Variants in ZNF704 observed in about 807,000 individuals in gnomAD.
ZNF704 encodes the protein glucocorticoid induced gene 1.
A neutral mutation model predicts 44.7 loss-of-function variants in ZNF704; 10 were observed. That is an observed-to-expected ratio of 0.22 (90% CI 0.14 to 0.38). The LOEUF (loss-of-function observed/expected upper bound fraction) is 0.38. Among genes scored for constraint, ZNF704 ranks in the 10% least tolerant of loss-of-function variants. The probability of loss-of-function intolerance (pLI) is 1.00; values close to 1 mark genes in which losing one functional copy is unlikely to be tolerated. For synonymous variants in ZNF704, 211 were observed against 207.6 expected (o/e 1.02, Z -0.14); for missense variants, 390 against 545.5 (o/e 0.71, Z 2.84).
chr8:80,763,004 G>A (rs916280067), intron 2 of ZNF704, among the ~76,000 whole-genome samples: 1 of 152,226 alleles, frequency 6.6e-6, no homozygotes, highest in Non-Finnish European at 1.5e-5. Flanking sequence ...CATATTCAGC[G>A]CATGCTGATG....
intron 3 of ZNF704, among the ~76,000 whole-genome samples, chr8:80,688,725 T>C (rs1324324950): frequency 6.6e-6 from 1 of 152,218 alleles, no homozygotes; most frequent in Non-Finnish European, 1.5e-5. Context: ...TGTTTGCTAA[T>C]GTGGAGAGAT....
intron 1 of ZNF704, among the ~76,000 whole-genome samples, chr8:80,826,176 A>G (rs1359806180): frequency 2.6e-5 from 4 of 152,178 alleles, no homozygotes; most frequent in Non-Finnish European, 5.9e-5. Flanking sequence ...TTGATAGACC[A>G]CTAGCAAGAC....
At chr8:80,765,889 A>G (rs905219576) in intron 2 of ZNF704, among the ~76,000 whole-genome samples, 2 of 152,204 alleles carry the variant, frequency 1.3e-5, no homozygotes, top group African/African-American at 4.8e-5. Flanking sequence ...ATTAAAAGCC[A>G]GGTAAATTCC....
chr8:80,756,066 G>A (rs1417701271), intron 2 of ZNF704, among the ~76,000 whole-genome samples: 1 of 151,300 alleles, frequency 6.6e-6, no homozygotes, highest in African/African-American at 2.4e-5. Context: ...AAGTGATCAC[G>A]CCACTGCACT....
chr8:80,848,351 C>T (rs1237236236), intron 1 of ZNF704, among the ~76,000 whole-genome samples: 3 of 152,122 alleles, frequency 2.0e-5, no homozygotes, highest in Admixed American at 1.3e-4. Context: ...ATGATAATAT[C>T]GCACACATGC....
chr8:80,838,669 C>G, intron 1 of ZNF704, among the ~76,000 whole-genome samples: 1 of 119,316 alleles, frequency 8.4e-6, no homozygotes, highest in Non-Finnish European at 1.7e-5. Context: ...AGAAGCAGAA[C>G]CTGGAGGAGG....
At chr8:80,833,661 C>T (rs777813036) in intron 1 of ZNF704, among the ~76,000 whole-genome samples, 4 of 152,256 alleles carry the variant, frequency 2.6e-5, no homozygotes, top group Middle Eastern at 3.4e-3. Context: ...TAAGTACATA[C>T]ATTATTTTTC....
chr8:80,634,631 T>C lies in ZNF704; in HGVS notation c.*6735A>G, dbSNP rs1403394951. The C allele has an allele frequency of 6.6e-6, 1 of 152,252 alleles. No homozygotes were observed. The highest frequency in any genetic ancestry group is 2.4e-5 in the African/African-American group (1 of 41,452). 9.4% of individuals were successfully genotyped at this position (152,252 alleles called of 1,614,324 possible). A position where few individuals can be genotyped will look rare whatever the true frequency, so the allele number is the denominator to read the frequency against. ...AGCAGCCCTGGGCCTGATTTCTGCA[T>C]GGTTCTGATTGTCTAGAGCTGAGTG... On this transcript the variant is annotated 3_prime_UTR_variant, in exon 9 of 9. Coordinates refer to ENST00000327835, the MANE Select transcript of ZNF704 (RefSeq NM_001033723.3).
intron 1 of ZNF704, among the ~76,000 whole-genome samples, chr8:80,847,336 T>TA (rs1436901566): frequency 6.6e-6 from 1 of 152,192 alleles, no homozygotes; most frequent in Non-Finnish European, 1.5e-5. Flanking sequence ...GGAAGACCTA[T>TA]ATAAATTGGG....
At chr8:80,768,755 C>A (rs755273996) in intron 2 of ZNF704, among the ~76,000 whole-genome samples, 1 of 152,052 alleles carries the variant, frequency 6.6e-6, no homozygotes, top group African/African-American at 2.4e-5. Context: ...TTCCCAACCC[C>A]GTGTTTAGAC....
intron 1 of ZNF704, among the ~76,000 whole-genome samples, chr8:80,827,011 G>A (rs867521226): frequency 6.6e-6 from 1 of 152,150 alleles, no homozygotes. Context: ...TTGCAAACTG[G>A]CACAAGACAT....
chr8:80,880,675 T>A, the ZNF704 span, among the ~76,000 whole-genome samples: 1 of 152,234 alleles, frequency 6.6e-6, no homozygotes, highest in Non-Finnish European at 1.5e-5. Context: ...AATATATGCA[T>A]GAATATTTTT....
intron 2 of ZNF704, among the ~76,000 whole-genome samples, chr8:80,711,883 C>A (rs763303266): frequency 6.6e-6 from 1 of 152,148 alleles, no homozygotes; most frequent in African/African-American, 2.4e-5. Flanking sequence ...CGATGCATAA[C>A]TATAGTATCT....
chr8:80,683,657 GA>G (rs1181966020), intron 4 of ZNF704, among the ~76,000 whole-genome samples: 3 of 152,208 alleles, frequency 2.0e-5, no homozygotes, highest in East Asian at 3.8e-4. Context: ...GCACAATGGG[GA>G]TAAGAATACA....
intron 2 of ZNF704, among the ~76,000 whole-genome samples, chr8:80,746,157 C>G (rs762755331): frequency 6.6e-6 from 1 of 152,180 alleles, no homozygotes; most frequent in Non-Finnish European, 1.5e-5. Context: ...GTTTCCAGCA[C>G]TGTTGGAAAG....
chr8:80,735,205 T>C (rs927552797), intron 2 of ZNF704, among the ~76,000 whole-genome samples: 2 of 152,234 alleles, frequency 1.3e-5, no homozygotes, highest in Non-Finnish European at 2.9e-5. Flanking sequence ...ATGCTTAGTT[T>C]TGCTGTTGTG....
chr8:80,883,245 C>CAAAAAAAAAAAA, the ZNF704 span, among the ~76,000 whole-genome samples: 1 of 83,434 alleles, frequency 1.2e-5, no homozygotes, highest in Admixed American at 1.4e-4. Flanking sequence ...GACACCCTCT[C>CAAAAAAAAAAAA]AAAAAAAAAA....
At position 80,830,078 on chromosome 8, in the gene ZNF704, C is replaced by T. The variant is rs1009748392; in HGVS notation, c.-21-8463G>A. On this transcript the variant is annotated intron_variant, in intron 1 of 8. Coordinates refer to ENST00000327835, the MANE Select transcript of ZNF704 (RefSeq NM_001033723.3). ...TATCAATTATTATATTTAAGACACA[C>T]AAAAAAAACAAAAAATGAGAGCTCA... Among the ~76,000 whole-genome samples, 7 of 149,840 alleles carry T rather than the reference C, an allele frequency of 4.7e-5. No homozygotes were observed. The East Asian group carries it at 9.7e-4, about 21-fold the overall frequency.
the ZNF704 span, among the ~76,000 whole-genome samples, chr8:80,883,074 C>CAAA: frequency 0.03 from 1,178 of 39,354 alleles, 58 homozygotes; most frequent in African/African-American, 0.08. Context: ...CCTGTCTCTA[C>CAAA]AAAAAAAAAA....
Sources: gnomAD v4.1 joint callset for allele counts (sites outside exome capture counted in the v4.1 genomes callset) on GRCh38, gnomAD v4.1.1 for gene constraint, MANE v1.5 for transcripts, NCBI Gene and HGNC (gene_info 2026-07-23, HGNC 2026-07-21) for gene names.